Variants in SDC3 observed in about 807,000 individuals in gnomAD.
SDC3 encodes syndecan 3.
Under a neutral mutation model 24.4 loss-of-function variants are expected in SDC3, and 13 were observed. The ratio of observed to expected loss-of-function variants is 0.53; its 90% CI spans 0.35 to 0.85. The LOEUF is 0.85. SDC3 is among the 40% of genes least tolerant of loss of function. The pLI is 0.01. For missense variants in SDC3, 571 were observed against 584.5 expected (o/e 0.98, Z 0.24); for synonymous variants, 295 against 260.9 (o/e 1.13, Z -1.26).
At chr1:30,880,215 C>T (rs981710477) in intron 1 of SDC3, among the ~76,000 whole-genome samples, 3 of 152,012 alleles carry the variant, frequency 2.0e-5, no homozygotes, top group Admixed American at 1.3e-4. Context: ...TCCATGCTAA[C>T]GACCAGGAGC....
At chr1:30,888,517 G>A (rs1156861782) in intron 1 of SDC3, among the ~76,000 whole-genome samples, 14 of 152,084 alleles carry the variant, frequency 9.2e-5, no homozygotes, top group African/African-American at 1.7e-4. Flanking sequence ...CAGCTCTGAC[G>A]GCTCCCCAAA....
rs1239531910 is a variant in SDC3, at chr1:30,870,628, G to A, written c.*2583C>T. 1.3e-5 allele frequency: 2 copies of A among 152,270 alleles called. No individual in the cohort carries two copies. Among genetic ancestry groups the A allele is most frequent in the African/African-American group, 2.4e-5 (1 of 41,446 alleles). The allele number at this position is 152,270 out of a possible 1,614,324, so 9.4% of individuals were successfully genotyped here. A position where few individuals can be genotyped will look rare whatever the true frequency, so the allele number is the denominator to read the frequency against. Reference sequence around the variant, plus strand: ...CCTGGACATCTGCCTTGGGTCCAGGGATCCATGAACAAGGCCCCTGGCCTC... The same window carrying A: ...CCTGGACATCTGCCTTGGGTCCAGGAATCCATGAACAAGGCCCCTGGCCTC... On this transcript the variant is annotated 3_prime_UTR_variant, in exon 5 of 5. Coordinates refer to ENST00000339394, the MANE Select transcript of SDC3 (RefSeq NM_014654.4).
At chr1:30,878,095 C>T (rs1047362637) in intron 2 of SDC3, 2 of 153,186 alleles carry the variant, frequency 1.3e-5, no homozygotes, top group African/African-American at 4.8e-5. Context: ...TTCTCACCAT[C>T]CACAGGTGAA....
rs11338317 is a variant in SDC3 at position 30,869,536 on chromosome 1, CAAA to C, written c.*3672_*3674del. 6.7e-4 allele frequency: 234 copies of C among 347,554 alleles called. No individual in the cohort carries two copies. The highest frequency in any genetic ancestry group is 7.8e-4 in the African/African-American group (30 of 38,410). 21.5% of individuals were successfully genotyped at this position (347,554 alleles called of 1,614,324 possible). A position where few individuals can be genotyped will look rare whatever the true frequency, so the allele number is the denominator to read the frequency against. On this transcript the variant is annotated 3_prime_UTR_variant, in exon 5 of 5. Coordinates refer to ENST00000339394, the MANE Select transcript of SDC3 (RefSeq NM_014654.4). ...AGGAAGTGTTAAAAAAACAAACAAA[CAAA>C]AAAAAAAAAAAAAAAAAAAAAACAA... is the stretch of plus-strand genomic sequence containing the variant.
Position 30,878,389 on chromosome 1 carries a change from G to A in SDC3, c.256+234C>T, listed in dbSNP as rs145912560. The A allele has an allele frequency of 3.7e-3, 1,756 of 477,170 alleles. 10 individuals carry two copies. The highest frequency in any genetic ancestry group is 0.015 in the African/African-American group (799 of 52,074). The allele number at this position is 477,170 out of a possible 1,614,324, so 29.6% of individuals were successfully genotyped here. A position where few individuals can be genotyped will look rare whatever the true frequency, so the allele number is the denominator to read the frequency against. On this transcript the variant is annotated intron_variant, in intron 2 of 4. Transcript: ENST00000339394. Reference sequence around the variant, plus strand: ...AGCACACACAAAGATGCAGACGTGGGACCCTGGAGACCTGGACATTCTGGG... The same window carrying A: ...AGCACACACAAAGATGCAGACGTGGAACCCTGGAGACCTGGACATTCTGGG...
intron 1 of SDC3, among the ~76,000 whole-genome samples, chr1:30,897,190 G>A (rs1638288353): frequency 6.6e-6 from 1 of 152,164 alleles, no homozygotes; most frequent in Non-Finnish European, 1.5e-5. Context: ...ATAGTGCCCT[G>A]CCCAGGAGTC....
At chr1:30,894,517 AGT>A (rs1463308347) in intron 1 of SDC3, among the ~76,000 whole-genome samples, 3 of 58,224 alleles carry the variant, frequency 5.2e-5, no homozygotes, top group African/African-American at 7.5e-5. Flanking sequence ...AGTGGGTGAG[AGT>A]GTGAGTGGGT....
chr1:30,878,615 G>A lies in SDC3; in HGVS notation c.256+8C>T, dbSNP rs946390895. ...CCCCCAGGCAGAGGTAGGGAGGGGG[G>A]TACTTACAGCCCGAGCCCGACCCCG... On this transcript the variant is annotated splice_region_variant and intron_variant, in intron 2 of 4. Coordinates refer to ENST00000339394, the MANE Select transcript of SDC3 (RefSeq NM_014654.4). The A allele has an allele frequency of 4.4e-6, 7 of 1,605,966 alleles. No homozygotes were observed. The East Asian group carries it at 1.3e-4, about 31-fold the overall frequency.
intron 1 of SDC3, among the ~76,000 whole-genome samples, chr1:30,894,659 G>GAT (rs1324685924): frequency 8.6e-5 from 2 of 23,182 alleles, no homozygotes; most frequent in Non-Finnish European, 1.5e-4. Flanking sequence ...GGTGTGTGTG[G>GAT]GTGAGTGTGT....
chr1:30,875,249 G>A (rs1569989708), intron 3 of SDC3, among the ~76,000 whole-genome samples: 2 of 152,220 alleles, frequency 1.3e-5, no homozygotes, highest in Admixed American at 1.3e-4. Flanking sequence ...GCATGGAAAG[G>A]CAGGCCTGAT....
intron 1 of SDC3, among the ~76,000 whole-genome samples, chr1:30,884,115 C>T (rs1639789348): frequency 6.6e-6 from 1 of 152,116 alleles, no homozygotes; most frequent in Non-Finnish European, 1.5e-5. Flanking sequence ...GCTGCCCTGG[C>T]CAGGAAGCCG....
chr1:30,879,823 A>T (rs918815295), intron 1 of SDC3, among the ~76,000 whole-genome samples: 1 of 152,158 alleles, frequency 6.6e-6, no homozygotes, highest in East Asian at 1.9e-4. Context: ...AGTCCCCAAG[A>T]TTCCTCAGTG....
intron 1 of SDC3, among the ~76,000 whole-genome samples, chr1:30,890,825 A>G (rs1033438272): frequency 6.6e-6 from 1 of 152,238 alleles, no homozygotes; most frequent in African/African-American, 2.4e-5. Flanking sequence ...CCATTTGAAC[A>G]TCTTCTTACC....
chr1:30,906,649 T>C (rs1420116018), intron 1 of SDC3, among the ~76,000 whole-genome samples: 1 of 152,072 alleles, frequency 6.6e-6, no homozygotes, highest in African/African-American at 2.4e-5. Flanking sequence ...AGTCATCCCA[T>C]TGAATTTTTG....
chr1:30,883,901 C>T (rs1398614638), intron 1 of SDC3, among the ~76,000 whole-genome samples: 1 of 152,178 alleles, frequency 6.6e-6, no homozygotes, highest in Non-Finnish European at 1.5e-5. Context: ...TGGATCCCTG[C>T]AGGCTCCGTC....
intron 1 of SDC3, among the ~76,000 whole-genome samples, chr1:30,904,368 C>T (rs1280624500): frequency 6.6e-6 from 1 of 152,090 alleles, no homozygotes; most frequent in African/African-American, 2.4e-5. Flanking sequence ...GGGATGAGCC[C>T]CCCCTCGCTC....
intron 1 of SDC3, among the ~76,000 whole-genome samples, chr1:30,883,089 A>G (rs566016219): frequency 2.0e-5 from 3 of 152,332 alleles, no homozygotes; most frequent in African/African-American, 7.2e-5. Context: ...AGGGAAGCCA[A>G]ATTGGGATGA....
chr1:30,869,735 CAGGGA>C lies in SDC3; in HGVS notation c.*3471_*3475del. On this transcript the variant is annotated 3_prime_UTR_variant, in exon 5 of 5. Transcript: ENST00000339394. ...AACAGGTTACAGGGGAGAGAAGGGGCAGGGAAGGCCTGGGGGAGGGAATGGCAGAC... is the reference window on the plus strand; with the variant it reads ...AACAGGTTACAGGGGAGAGAAGGGGCAGGCCTGGGGGAGGGAATGGCAGAC... 2.5e-6 allele frequency: 1 copy of C among 398,546 alleles called. No individual in the cohort carries two copies. 24.7% of individuals were successfully genotyped at this position (398,546 alleles called of 1,614,324 possible).
chr1:30,908,768 G>A (rs1270180839), upstream of SDC3: 1 of 147,892 alleles, frequency 6.8e-6, no homozygotes, highest in South Asian at 2.0e-4. Flanking sequence ...CAGCGGCCGC[G>A]CCCGCAGGAA....
Sources: allele counts gnomAD v4.1 joint callset (sites outside exome capture counted in the v4.1 genomes callset), GRCh38; gene constraint gnomAD v4.1.1; transcripts MANE v1.5; gene names NCBI Gene and HGNC (gene_info 2026-07-23, HGNC 2026-07-21).